The following EYS variants were observed in gnomAD, a reference collection of about 807,000 sequenced individuals.
EYS encodes the protein protein eyes shut homolog.
A neutral mutation model predicts 282.1 loss-of-function variants in EYS; 250 were observed. The observed-to-expected ratio is 0.89, with a 90% CI of 0.80 to 0.98. The LOEUF (loss-of-function observed/expected upper bound fraction) is 0.98. EYS is among the 50% of genes least tolerant of loss of function. The probability of loss-of-function intolerance (pLI) is 0.00; values close to 1 mark genes in which losing one functional copy is unlikely to be tolerated. For synonymous variants in EYS, 1,355 were observed against 1,282.9 expected, an observed-to-expected ratio of 1.06 and a Z score of -1.20; for missense variants, 4,016 against 3,709.0, an observed-to-expected ratio of 1.08 and a Z score of -2.15.
At chr6:65,040,784 T>C (rs1348952780) in intron 13 of EYS, among the ~76,000 whole-genome samples, 1 of 151,666 alleles carries the variant, frequency 6.6e-6, no homozygotes, top group African/African-American at 2.4e-5. Context: ...AAGCTAGTCA[T>C]ACAGAAAACT....
chr6:64,489,489 GA>G (rs1170605658), intron 26 of EYS, among the ~76,000 whole-genome samples: 6 of 146,346 alleles, frequency 4.1e-5, no homozygotes, highest in African/African-American at 1.5e-4. Flanking sequence ...GCCAATATTG[GA>G]AATATAAAAA....
intron 24 of EYS, among the ~76,000 whole-genome samples, chr6:64,612,875 T>C (rs528101584): frequency 6.6e-6 from 1 of 152,040 alleles, no homozygotes; most frequent in East Asian, 1.9e-4. Context: ...ATAAAAGGAA[T>C]CTGGGAAAAA....
chr6:64,736,388 A>G (rs1456074743), intron 22 of EYS, among the ~76,000 whole-genome samples: 1 of 152,202 alleles, frequency 6.6e-6, no homozygotes, highest in Non-Finnish European at 1.5e-5. Flanking sequence ...GATATATTCA[A>G]AATAAAATTC....
intron 15 of EYS, among the ~76,000 whole-genome samples, chr6:64,919,419 CTTT>C (rs370375636): frequency 7.4e-6 from 1 of 135,504 alleles, no homozygotes; most frequent in Non-Finnish European, 1.6e-5. Context: ...TTCTTTTTTT[CTTT>C]TTTTTTTTTT....
rs538419667 is a variant in EYS, at chr6:64,480,767, A to C, written c.5645-41415T>G. Among the ~76,000 whole-genome samples, 5 of 151,916 alleles carry C rather than the reference A, an allele frequency of 3.3e-5. No homozygotes were observed. In the East Asian group the frequency reaches 9.7e-4, roughly 30 times the overall value. On this transcript the variant is annotated intron_variant, in intron 26 of 42. Coordinates refer to ENST00000503581, the MANE Select transcript of EYS (RefSeq NM_001142800.2). ...AATGAGGTTTGTCGCTTACACAATC[A>C]ACTTGTTAATTTGGCTGGCACTTAT...
At chr6:63,940,323 A>AAAAAG (rs1554189373) in intron 35 of EYS, among the ~76,000 whole-genome samples, 31 of 152,320 alleles carry the variant, frequency 2.0e-4, no homozygotes, top group African/African-American at 7.2e-4. Context: ...TGTTAAAAAA[A>AAAAAG]AAAAGAAAAG....
At chr6:64,787,333 G>A (rs1388174676) in intron 22 of EYS, among the ~76,000 whole-genome samples, 4 of 152,086 alleles carry the variant, frequency 2.6e-5, no homozygotes, top group Non-Finnish European at 5.9e-5. Flanking sequence ...TGTTTGGGTG[G>A]TATAAAATTG....
At chr6:65,023,912 C>A (rs72877817) in intron 13 of EYS, among the ~76,000 whole-genome samples, 10,303 of 152,186 alleles carry the variant, frequency 0.068, 433 homozygotes, top group East Asian at 0.13. Context: ...TCATACATAG[C>A]AGTCCAATAA....
chr6:65,561,505 T>C (rs1769056932), intron 2 of EYS, among the ~76,000 whole-genome samples: 1 of 152,126 alleles, frequency 6.6e-6, no homozygotes, highest in African/African-American at 2.4e-5. Flanking sequence ...GACCTAATTG[T>C]TCACTCCCAG....
chr6:64,468,264 G>A (rs1775988483), intron 26 of EYS, among the ~76,000 whole-genome samples: 2 of 152,198 alleles, frequency 1.3e-5, no homozygotes, highest in African/African-American at 4.8e-5. Flanking sequence ...TGACACCGCT[G>A]CCACTGATTA....
Position 64,591,977 on chromosome 6 carries a change from G to A in EYS, c.3890C>T (p.Thr1297Ile), listed in dbSNP as rs1766427401. Residue 1297 changes from threonine (T) to isoleucine (I), a missense_variant, in exon 26 of 43, where the codon ACA (threonine) becomes ATA (isoleucine). Thr to Ile is a moderately conservative substitution (Grantham distance 89, BLOSUM62 -1). Transcript: ENST00000503581. ...GAGAATGTCGTGCTTGACAATGCCT[G>A]TCTGTTTTGGACCTACAAAAAGGAA... is the stretch of plus-strand genomic sequence containing the variant. ...TYPVDQGPKQ[T>I]GIVKHDILPT... 1 of 1,488,090 alleles carries A rather than the reference G, an allele frequency of 6.7e-7. No individual in the cohort carries two copies. The highest frequency in any genetic ancestry group is 9.0e-7 in the Non-Finnish European group (1 of 1,117,024). The allele number at this position is 1,488,090 out of a possible 1,614,324, so 92.2% of individuals were successfully genotyped here.
intron 1 of EYS, among the ~76,000 whole-genome samples, chr6:65,703,084 T>C (rs1769738067): frequency 1.3e-5 from 2 of 152,160 alleles, no homozygotes; most frequent in Non-Finnish European, 2.9e-5. Flanking sequence ...AGCTGCAGCA[T>C]TAACCCTTCC....
intron 16 of EYS, among the ~76,000 whole-genome samples, chr6:64,907,321 A>T (rs942759235): frequency 6.6e-6 from 1 of 152,146 alleles, no homozygotes; most frequent in African/African-American, 2.4e-5. Flanking sequence ...AAGTGCTGTG[A>T]TTACAAGTGT....
intron 22 of EYS, among the ~76,000 whole-genome samples, chr6:64,674,739 C>CAT (rs1769591511): frequency 6.7e-6 from 1 of 148,946 alleles, no homozygotes; most frequent in Admixed American, 6.8e-5. Flanking sequence ...AACACACACA[C>CAT]ACACACACAC....
Position 65,296,206 on chromosome 6 carries a change from A to G in EYS, c.1767-87T>C, listed in dbSNP as rs188568438. The stretch of plus-strand genomic sequence containing the variant: ...ATTTAAATCACACATTTATTTAAAA[A>G]CACAGAAATAAATATTTAATGAAGA... On this transcript the variant is annotated intron_variant, in intron 11 of 42. Transcript: ENST00000503581. The G allele has an allele frequency of 4.2e-4, 519 of 1,248,788 alleles. 6 individuals are homozygous for G. In the East Asian group the frequency reaches 0.013, roughly 32 times the overall value. The allele number at this position is 1,248,788 out of a possible 1,614,324, so 77.4% of individuals were successfully genotyped here.
intron 22 of EYS, among the ~76,000 whole-genome samples, chr6:64,641,519 C>A (rs1354058320): frequency 2.0e-5 from 3 of 152,148 alleles, no homozygotes; most frequent in African/African-American, 7.2e-5. Context: ...ATCAAAATAG[C>A]ATCAGAAGGG....
intron 4 of EYS, chr6:65,491,288 C>A: frequency 4.2e-6 from 1 of 238,664 alleles, no homozygotes; most frequent in Non-Finnish European, 8.4e-6. Context: ...CACACACACA[C>A]ACACACACAC....
At chr6:64,270,083 A>G (rs961704294) in intron 30 of EYS, among the ~76,000 whole-genome samples, 4 of 152,158 alleles carry the variant, frequency 2.6e-5, no homozygotes, top group African/African-American at 9.6e-5. Context: ...GCTGAAAAAC[A>G]CAAAATGCAG....
chr6:64,641,598 A>G (rs1016910240), intron 22 of EYS, among the ~76,000 whole-genome samples: 1 of 152,136 alleles, frequency 6.6e-6, no homozygotes, highest in Admixed American at 6.5e-5. Context: ...TCACTTTGAG[A>G]TAAAAACTGA....
Sources: allele counts gnomAD v4.1 joint callset (sites outside exome capture counted in the v4.1 genomes callset), GRCh38; gene constraint gnomAD v4.1.1; transcripts MANE v1.5; gene names NCBI Gene and HGNC (gene_info 2026-07-23, HGNC 2026-07-21).